The following WARS2 variants were observed in gnomAD, a reference collection of about 807,000 sequenced individuals.
WARS2 encodes tryptophanyl tRNA synthetase 2, mitochondrial, also known as tryptophan--tRNA ligase, mitochondrial.
A neutral mutation model predicts 36.5 loss-of-function variants in WARS2; 28 were observed. The observed-to-expected ratio is 0.77, with a 90% CI of 0.57 to 1.05. The LOEUF (loss-of-function observed/expected upper bound fraction) is 1.05. Ranked by LOEUF, WARS2 falls within the 50% of genes least tolerant of loss-of-function variation. The probability of loss-of-function intolerance (pLI) is 0.00; values close to 1 mark genes in which losing one functional copy is unlikely to be tolerated. For synonymous variants in WARS2, 174 were observed against 178.4 expected (o/e 0.98, Z 0.20); for missense variants, 435 against 456.8 (o/e 0.95, Z 0.44).
intron 1 of WARS2, among the ~76,000 whole-genome samples, chr1:119,124,594 C>T (rs183446169): frequency 3.3e-5 from 5 of 152,214 alleles, no homozygotes; most frequent in African/African-American, 4.8e-5. Context: ...ATCTTCACCA[C>T]TCACCGTAGT....
At chr1:119,126,746 G>A (rs1655686023) in intron 1 of WARS2, 3 of 736,078 alleles carry the variant, frequency 4.1e-6, no homozygotes, top group Non-Finnish European at 5.0e-6. Flanking sequence ...CCTTTTCTAT[G>A]TCTTTTCCAA....
intron 1 of WARS2, among the ~76,000 whole-genome samples, chr1:119,107,920 A>G (rs754874458): frequency 6.6e-6 from 1 of 151,926 alleles, no homozygotes; most frequent in Non-Finnish European, 1.5e-5. Context: ...GCTTTTTTTC[A>G]TCTACTGATA....
intron 1 of WARS2, among the ~76,000 whole-genome samples, chr1:119,092,323 C>T (rs964562862): frequency 1.3e-5 from 2 of 152,208 alleles, no homozygotes; most frequent in East Asian, 3.8e-4. Flanking sequence ...TAGCCAGCGT[C>T]ACCAATTCTT....
At chr1:119,120,399 A>C (rs1245507958) in intron 1 of WARS2, among the ~76,000 whole-genome samples, 1 of 152,068 alleles carries the variant, frequency 6.6e-6, no homozygotes, top group Non-Finnish European at 1.5e-5. Context: ...ATGAGATTGA[A>C]ACAGTAATAA....
At chr1:119,115,103 C>A (rs1050334567) in intron 1 of WARS2, among the ~76,000 whole-genome samples, 1 of 152,140 alleles carries the variant, frequency 6.6e-6, no homozygotes, top group Non-Finnish European at 1.5e-5. Context: ...CTTACAAACA[C>A]TTAATACAAT....
At chr1:119,069,663 C>T (rs905601305) in intron 2 of WARS2, among the ~76,000 whole-genome samples, 2 of 152,088 alleles carry the variant, frequency 1.3e-5, no homozygotes, top group African/African-American at 4.8e-5. Context: ...GCCTAGTGTA[C>T]TCTTGGGCTT....
intron 1 of WARS2, among the ~76,000 whole-genome samples, chr1:119,091,830 G>A (rs1047855318): frequency 6.6e-6 from 1 of 152,138 alleles, no homozygotes; most frequent in East Asian, 1.9e-4. Context: ...CCAATGTGTC[G>A]GCCTGGGAGC....
chr1:119,137,358 C>T (rs1162253166), intron 1 of WARS2, among the ~76,000 whole-genome samples: 3 of 151,936 alleles, frequency 2.0e-5, no homozygotes, highest in African/African-American at 4.8e-5. Context: ...TCTTTTTAGG[C>T]GTAATTCTTC....
At chr1:119,053,773 C>A (rs571018733) in intron 2 of WARS2, among the ~76,000 whole-genome samples, 1 of 152,134 alleles carries the variant, frequency 6.6e-6, no homozygotes, top group African/African-American at 2.4e-5. Flanking sequence ...AGGCCAGGTG[C>A]GGTGGCTCAC....
rs72394080 is a variant in WARS2 at position 119,129,734 on chromosome 1, A to AT, written c.90+10820_90+10821insA. Reference sequence around the variant, plus strand: ...TATCTCAAAAAATAAAAATAAAAAAAAAATAAAATAAAATAAATCCCATTC... The same window carrying AT: ...TATCTCAAAAAATAAAAATAAAAAAATAAATAAAATAAAATAAATCCCATTC... On this transcript the variant is annotated intron_variant, in intron 1 of 5. Transcript: ENST00000235521. Among the ~76,000 whole-genome samples the AT allele has an allele frequency of 7.4e-5, 11 of 149,008 alleles. No homozygotes were observed. In the East Asian group the frequency reaches 9.7e-4, roughly 13 times the overall value.
chr1:119,062,197 CT>C (rs1650439416), intron 2 of WARS2, among the ~76,000 whole-genome samples: 1 of 152,136 alleles, frequency 6.6e-6, no homozygotes, highest in Non-Finnish European at 1.5e-5. Context: ...CCTCCTGGAG[CT>C]AGCTGCCTAC....
chr1:119,060,946 AT>A (rs1650325774), intron 2 of WARS2, among the ~76,000 whole-genome samples: 1 of 152,176 alleles, frequency 6.6e-6, no homozygotes, highest in Non-Finnish European at 1.5e-5. Context: ...CAACCCCTGA[AT>A]TCCACATGCA....
rs543072607 is a variant in WARS2 at position 119,049,460 on chromosome 1, T to C, written c.349-3798A>G. On this transcript the variant is annotated intron_variant, in intron 2 of 5. Transcript: ENST00000235521. ...TTTTATACCCACTCCCTTTGCAATATCACATCATCTCACTGCTTTAAGTAA... is the reference window on the plus strand; with the variant it reads ...TTTTATACCCACTCCCTTTGCAATACCACATCATCTCACTGCTTTAAGTAA... Among the ~76,000 whole-genome samples, 6 of 152,326 alleles carry C rather than the reference T, an allele frequency of 3.9e-5. No homozygotes were observed. In the East Asian group the frequency reaches 1.2e-3, roughly 29 times the overall value.
At chr1:119,098,582 C>A (rs587697809) in intron 1 of WARS2, among the ~76,000 whole-genome samples, 1 of 149,248 alleles carries the variant, frequency 6.7e-6, no homozygotes, top group Non-Finnish European at 1.5e-5. Flanking sequence ...GCATTACAGG[C>A]GCCCGCCATC....
intron 2 of WARS2, among the ~76,000 whole-genome samples, chr1:119,067,136 T>C (rs1046305507): frequency 5.4e-5 from 8 of 149,104 alleles, no homozygotes; most frequent in African/African-American, 1.5e-4. Flanking sequence ...ACACAAAAAA[T>C]AGATGCAAGA....
Position 119,033,023 on chromosome 1 carries a change from A to T in WARS2, c.971T>A (p.Leu324Gln), listed in dbSNP as rs1220790733. 1.9e-6 allele frequency: 3 copies of T among 1,614,094 alleles called. No homozygotes were observed. The African/African-American group carries it at 4.0e-5, about 22-fold the overall frequency. Residue 324 changes from leucine to glutamine, a missense_variant, in exon 6 of 6, where the codon CTG becomes CAG. Leu to Gln is a moderately radical substitution (Grantham distance 113, BLOSUM62 -2). Transcript: ENST00000235521. ...FAPIKREIEK[L>Q]KLDKDHLEKV... ...CTCTAAATGGTCCTTGTCCAGCTTCAGTTTTTCAATTTCACGCTTAATTGG... is the reference window on the plus strand; with the variant it reads ...CTCTAAATGGTCCTTGTCCAGCTTCTGTTTTTCAATTTCACGCTTAATTGG...
intron 2 of WARS2, among the ~76,000 whole-genome samples, chr1:119,075,676 T>C (rs1202856021): frequency 6.6e-6 from 1 of 152,222 alleles, no homozygotes; most frequent in Non-Finnish European, 1.5e-5. Context: ...AGGCATGATC[T>C]AGTTAGAATT....
chr1:119,112,982 A>C (rs1442120956), intron 1 of WARS2, among the ~76,000 whole-genome samples: 1 of 152,216 alleles, frequency 6.6e-6, no homozygotes, highest in Non-Finnish European at 1.5e-5. Context: ...ATAGGGTGAC[A>C]CATCATGAGA....
intron 1 of WARS2, chr1:119,126,995 G>A (rs1655709804): frequency 1.3e-6 from 1 of 741,348 alleles, no homozygotes; most frequent in South Asian, 1.4e-5. Context: ...TCCATGCCAT[G>A]GAAGTTAGGC....
Sources: gnomAD v4.1 joint callset for allele counts (sites outside exome capture counted in the v4.1 genomes callset) on GRCh38, gnomAD v4.1.1 for gene constraint, MANE v1.5 for transcripts, NCBI Gene and HGNC (gene_info 2026-07-23, HGNC 2026-07-21) for gene names.